WIPF3: variants seen among roughly 807,000 people sequenced by gnomAD.
WIPF3 encodes WAS/WASL-interacting protein family member 3.
In WIPF3, 33 loss-of-function variants were observed where a neutral mutation model predicts 38.9. The ratio of observed to expected loss-of-function variants is 0.85; its 90% CI spans 0.64 to 1.14. WIPF3 has a LOEUF of 1.14. Ranked by LOEUF, WIPF3 falls within the 50% of genes most tolerant of loss-of-function variation. The pLI is 0.00. For missense variants in WIPF3, 711 were observed against 652.5 expected (o/e 1.09, Z -0.98); for synonymous variants, 324 against 269.3 (o/e 1.20, Z -1.99).
rs1786574460 is a variant in WIPF3 at position 29,914,767 on chromosome 7, A to G, written c.*251A>G. On this transcript the variant is annotated 3_prime_UTR_variant, in exon 9 of 9. Coordinates refer to ENST00000242140, the MANE Select transcript of WIPF3 (RefSeq NM_001080529.3). ...CATCTTGGCATTTGTCAGCACAGAT[A>G]GAGCCCTGTCCCTCCACCTAGTGCC... The G allele has an allele frequency of 3.3e-6, 1 of 302,722 alleles. No individual in the cohort carries two copies. The highest frequency in any genetic ancestry group is 9.2e-5 in the South Asian group (1 of 10,866). 18.8% of individuals were successfully genotyped at this position (302,722 alleles called of 1,614,324 possible).
chr7:29,913,829 C>T lies in WIPF3; in HGVS notation c.1429-664C>T, dbSNP rs142136601. Among the ~76,000 whole-genome samples, 33 of 152,318 alleles carry T rather than the reference C, an allele frequency of 2.2e-4. No homozygotes were observed. In the East Asian group the frequency reaches 6.0e-3, roughly 28 times the overall value. Reference sequence around the variant, plus strand: ...GGACAAGAATCCTCCTCACTACCAACGTGTCACACACTGTGCAGGATCTGG... The same window carrying T: ...GGACAAGAATCCTCCTCACTACCAATGTGTCACACACTGTGCAGGATCTGG... On this transcript the variant is annotated intron_variant, in intron 8 of 8. Transcript: ENST00000242140.
intron 8 of WIPF3, among the ~76,000 whole-genome samples, chr7:29,907,937 A>G (rs1786429916): frequency 6.6e-6 from 1 of 152,246 alleles, no homozygotes; most frequent in African/African-American, 2.4e-5. Context: ...TAAACAGAAA[A>G]GAAAGGGTAT....
chr7:29,834,909 T>C, intron 2 of WIPF3, 95 bp downstream of exon 2: 1 of 1,412,434 alleles, frequency 7.1e-7, no homozygotes, highest in Non-Finnish European at 9.5e-7. Flanking sequence ...TAGCACTGCC[T>C]AGCTTCCCTG....
Position 29,884,011 on chromosome 7 carries a change from G to GCC in WIPF3, c.520_521dup (p.Pro175ArgfsTer34). The GCC allele has an allele frequency of 9.1e-6, 13 of 1,430,652 alleles. No homozygotes were observed. Among genetic ancestry groups the GCC allele is most frequent in the South Asian group, 5.6e-5 (4 of 71,506 alleles). 88.6% of individuals were successfully genotyped at this position (1,430,652 alleles called of 1,614,324 possible). On this transcript the variant is annotated frameshift_variant, in exon 5 of 9. Coordinates refer to ENST00000242140, the MANE Select transcript of WIPF3 (RefSeq NM_001080529.3). LOFTEE classifies it high-confidence loss of function. ...AGCCCCGCCTCGCCCCAACGTGCCT[G>GCC]CCCCGCCCCCTCCCACCCCACCCCC...
Position 29,884,410 on chromosome 7 carries a change from G to A in WIPF3, c.916G>A (p.Ala306Thr). The change falls in exon 5 of 9, where the codon GCT becomes ACT. Residue 306 changes from alanine to threonine, a missense_variant. By Grantham distance (58) the Ala-to-Thr change is moderately conservative. Transcript: ENST00000242140. ...CCCTTATGCTTCTTGCTCCCCGAGG[G>A]CTTCTTTGCCCGCGCCCCCTTTGCC... is the stretch of plus-strand genomic sequence containing the variant. ...LPPYASCSPRASLPAPPLPGV... is the reference protein window; with the variant it reads ...LPPYASCSPRTSLPAPPLPGV... 1 of 1,501,618 alleles carries A rather than the reference G, an allele frequency of 6.7e-7. No homozygotes were observed. The highest frequency in any genetic ancestry group is 8.9e-7 in the Non-Finnish European group (1 of 1,121,258). 93.0% of individuals were successfully genotyped at this position (1,501,618 alleles called of 1,614,324 possible). A position where few individuals can be genotyped will look rare whatever the true frequency, so the allele number is the denominator to read the frequency against.
At chr7:29,828,544 T>C (rs1784661158) in intron 1 of WIPF3, among the ~76,000 whole-genome samples, 1 of 152,166 alleles carries the variant, frequency 6.6e-6, no homozygotes. Flanking sequence ...GATTTCAAAA[T>C]TGAACTTCGC....
rs1491398943 is a variant in WIPF3 at position 29,894,787 on chromosome 7, ACG to A, written c.1351+5381_1351+5382del. 8.0e-5 allele frequency among the ~76,000 whole-genome samples: 12 copies of A among 150,734 alleles called. No homozygotes were observed. In the South Asian group the frequency reaches 2.3e-3, roughly 29 times the overall value. ...CTGACACACACACACACACACACAC[ACG>A]ACACACACACGAGCACACACGCTTA... On this transcript the variant is annotated intron_variant, in intron 7 of 8. Coordinates refer to ENST00000242140, the MANE Select transcript of WIPF3 (RefSeq NM_001080529.3).
intron 1 of WIPF3, among the ~76,000 whole-genome samples, chr7:29,811,182 T>C (rs1452297640): frequency 1.3e-5 from 2 of 152,098 alleles, no homozygotes; most frequent in Non-Finnish European, 2.9e-5. Context: ...TGATCTGCCT[T>C]GCCCAGCCAT....
chr7:29,858,914 G>T (rs1785231516), intron 2 of WIPF3, among the ~76,000 whole-genome samples: 1 of 152,172 alleles, frequency 6.6e-6, no homozygotes, highest in African/African-American at 2.4e-5. Context: ...TCACATTGAA[G>T]AACCTATTTT....
intron 2 of WIPF3, among the ~76,000 whole-genome samples, chr7:29,868,030 T>C (rs1227653775): frequency 1.3e-5 from 2 of 152,110 alleles, no homozygotes; most frequent in Non-Finnish European, 2.9e-5. Flanking sequence ...GAAGCTATAA[T>C]ACTGGGCAAG....
At chr7:29,814,428 T>C (rs1321086820) in intron 1 of WIPF3, among the ~76,000 whole-genome samples, 5 of 152,200 alleles carry the variant, frequency 3.3e-5, no homozygotes, top group African/African-American at 1.2e-4. Flanking sequence ...TACTCGTGTT[T>C]ATAGTTTTGT....
intron 1 of WIPF3, among the ~76,000 whole-genome samples, chr7:29,814,771 T>C (rs943637065): frequency 6.6e-6 from 1 of 151,988 alleles, no homozygotes; most frequent in African/African-American, 2.4e-5. Flanking sequence ...TCAGTACATG[T>C]GAACTATTGT....
intron 8 of WIPF3, among the ~76,000 whole-genome samples, chr7:29,909,509 A>AT (rs1786463642): frequency 6.6e-6 from 1 of 152,238 alleles, no homozygotes; most frequent in Admixed American, 6.5e-5. Flanking sequence ...ATAAGAGAGT[A>AT]TTATAAATAC....
intron 2 of WIPF3, among the ~76,000 whole-genome samples, chr7:29,864,457 T>C (rs372966034): frequency 6.6e-6 from 1 of 152,322 alleles, no homozygotes; most frequent in East Asian, 1.9e-4. Flanking sequence ...TTGCGTTCAG[T>C]TGTGTAATCG....
At chr7:29,910,009 C>T (rs1011569613) in intron 8 of WIPF3, among the ~76,000 whole-genome samples, 6 of 152,016 alleles carry the variant, frequency 3.9e-5, no homozygotes, top group Admixed American at 1.3e-4. Context: ...ATAAGACCTA[C>T]TATTTGATAG....
intron 2 of WIPF3, among the ~76,000 whole-genome samples, chr7:29,837,958 G>A (rs866650455): frequency 9.9e-5 from 15 of 151,966 alleles, no homozygotes; most frequent in South Asian, 2.1e-4. Context: ...TTGCTTTTTC[G>A]CCCAGGCTAG....
chr7:29,856,522 A>G (rs1325373998), intron 2 of WIPF3, among the ~76,000 whole-genome samples: 1 of 152,050 alleles, frequency 6.6e-6, no homozygotes, highest in East Asian at 1.9e-4. Context: ...TCAGATACAC[A>G]GGAGTCTAAA....
rs138565736 is a variant in WIPF3, at chr7:29,813,781, T to G, written c.-58+7103T>G. Among the ~76,000 whole-genome samples, 374 of 152,314 alleles carry G rather than the reference T, an allele frequency of 2.5e-3. 1 individual carries two copies. Among genetic ancestry groups the G allele is most frequent in the African/African-American group, 8.6e-3 (359 of 41,564 alleles). On this transcript the variant is annotated intron_variant, in intron 1 of 8. Transcript: ENST00000242140. ...TCGCCATTATTTAATTCCAGACATT[T>G]TCATCACCCCAAGAAGAAACCCGTT...
Position 29,879,129 on chromosome 7 carries a change from G to C in WIPF3, c.344G>C (p.Arg115Pro). ...CCTGTATTGCGACCAGCAGGCCAGC[G>C]GGATGTAGCAGGTAAGGAAGAATTC... Reference protein sequence around the residue: ...GFPVLRPAGQRDVAGGKTGQG... With the variant: ...GFPVLRPAGQPDVAGGKTGQG... The change falls in exon 4 of 9, where the codon CGG becomes CCG. Residue 115 changes from arginine (R) to proline (P), a missense_variant. Physicochemically the swap from Arg to Pro is moderately radical, Grantham distance 103. Transcript: ENST00000242140. 2.5e-6 allele frequency: 4 copies of C among 1,611,380 alleles called. No homozygotes were observed. The highest frequency in any genetic ancestry group is 3.4e-6 in the Non-Finnish European group (4 of 1,178,588).
Sources: allele counts gnomAD v4.1 joint callset (sites outside exome capture counted in the v4.1 genomes callset), GRCh38; gene constraint gnomAD v4.1.1; transcripts MANE v1.5; gene names NCBI Gene and HGNC (gene_info 2026-07-23, HGNC 2026-07-21).